The following MALRD1 variants were observed in gnomAD, a reference collection of about 807,000 sequenced individuals.
MALRD1 encodes MAM and LDL receptor class A domain containing 1.
A neutral mutation model predicts 242.1 loss-of-function variants in MALRD1; 247 were observed. The ratio of observed to expected loss-of-function variants is 1.02; its 90% CI spans 0.92 to 1.13. The LOEUF is 1.13. Ranked by LOEUF, MALRD1 falls within the 50% of genes most tolerant of loss-of-function variation. The pLI is 0.00. For missense variants in MALRD1, 2,989 were observed against 2,533.1 expected (o/e 1.18, Z -3.86); for synonymous variants, 995 against 866.6 (o/e 1.15, Z -2.60).
chr10:19,466,520 T>C (rs997657730), intron 29 of MALRD1, among the ~76,000 whole-genome samples: 5 of 152,196 alleles, frequency 3.3e-5, no homozygotes, highest in African/African-American at 1.2e-4. Flanking sequence ...GTTAACTTTC[T>C]CACAGTTCTG....
chr10:19,676,751 T>A (rs1018582655), intron 36 of MALRD1, among the ~76,000 whole-genome samples: 1 of 152,198 alleles, frequency 6.6e-6, no homozygotes. Flanking sequence ...TATAGTGGTT[T>A]GCTGCACCTA....
intron 28 of MALRD1, among the ~76,000 whole-genome samples, chr10:19,400,137 A>C (rs543577394): frequency 6.6e-6 from 1 of 152,150 alleles, no homozygotes; most frequent in Non-Finnish European, 1.5e-5. Flanking sequence ...GGAGCTTGTG[A>C]GTTTAAAGTG....
chr10:19,186,072 C>A (rs2131573326), intron 14 of MALRD1, among the ~76,000 whole-genome samples: 1 of 151,870 alleles, frequency 6.6e-6, no homozygotes, highest in East Asian at 1.9e-4. Flanking sequence ...GCCCTGAATA[C>A]AAGGAAAAAA....
chr10:19,486,833 G>A (rs1486555541), intron 29 of MALRD1, among the ~76,000 whole-genome samples: 2 of 152,092 alleles, frequency 1.3e-5, no homozygotes, highest in Non-Finnish European at 2.9e-5. Flanking sequence ...TCGAGGATTT[G>A]TAAGCTCTGT....
intron 29 of MALRD1, among the ~76,000 whole-genome samples, chr10:19,468,180 G>A (rs1188058330): frequency 6.6e-6 from 1 of 152,126 alleles, no homozygotes; most frequent in Non-Finnish European, 1.5e-5. Context: ...TTCCTTAATG[G>A]TTAATTAGAA....
intron 36 of MALRD1, among the ~76,000 whole-genome samples, chr10:19,661,228 G>A (rs974336196): frequency 5.9e-5 from 9 of 152,124 alleles, no homozygotes; most frequent in Non-Finnish European, 1.0e-4. Flanking sequence ...TCAGTGTGGC[G>A]ATTCCTCAGG....
intron 12 of MALRD1, among the ~76,000 whole-genome samples, chr10:19,161,550 C>CAAAAAAAAAAAAAAAAAAAAAAAAA: frequency 6.6e-5 from 4 of 60,832 alleles, no homozygotes; most frequent in East Asian, 5.4e-4. Flanking sequence ...AAAAAAAAAG[C>CAAAAAAAAAAAAAAAAAAAAAAAAA]AAAAAAAAAA....
At chr10:19,103,651 C>CA (rs1836359594) in intron 4 of MALRD1, among the ~76,000 whole-genome samples, 1 of 151,812 alleles carries the variant, frequency 6.6e-6, no homozygotes, top group African/African-American at 2.4e-5. Flanking sequence ...AGCATGGATC[C>CA]AAAAGCAGGT....
chr10:19,350,508 C>G lies in MALRD1; in HGVS notation c.4150-1498C>G, dbSNP rs554719519. On this transcript the variant is annotated intron_variant, in intron 25 of 39. Transcript: ENST00000454679. ...GCAAGGCTGGTCTCGAACTCCTGAC[C>G]TCAGGTGATCCACCTACCTTGGCCT... Among the ~76,000 whole-genome samples, 9 of 152,052 alleles carry G rather than the reference C, an allele frequency of 5.9e-5. No homozygotes were observed. The East Asian group carries it at 1.6e-3, about 26-fold the overall frequency.
chr10:19,175,821 T>C (rs1448486732), intron 14 of MALRD1, among the ~76,000 whole-genome samples: 1 of 152,130 alleles, frequency 6.6e-6, no homozygotes, highest in Non-Finnish European at 1.5e-5. Context: ...CAAAATTTAA[T>C]ATTTTCAGAT....
intron 36 of MALRD1, among the ~76,000 whole-genome samples, chr10:19,678,927 T>C (rs192272363): frequency 4.7e-4 from 72 of 152,332 alleles, no homozygotes; most frequent in African/African-American, 1.6e-3. Flanking sequence ...GTGATTTTTG[T>C]CTTTAGTTCT....
At chr10:19,067,159 A>T (rs1047455317) in intron 2 of MALRD1, among the ~76,000 whole-genome samples, 15 of 152,276 alleles carry the variant, frequency 9.9e-5, no homozygotes, top group South Asian at 4.1e-4. Context: ...AGTTTTTCTT[A>T]TTCTTTATGG....
intron 21 of MALRD1, among the ~76,000 whole-genome samples, chr10:19,323,393 A>G (rs934252411): frequency 2.6e-5 from 4 of 152,184 alleles, no homozygotes; most frequent in Admixed American, 6.5e-5. Context: ...CAACCAAGTT[A>G]TTACAGATTT....
intron 2 of MALRD1, among the ~76,000 whole-genome samples, chr10:19,081,906 T>C (rs1348871138): frequency 6.6e-6 from 1 of 152,024 alleles, no homozygotes; most frequent in African/African-American, 2.4e-5. Context: ...ACCTAAAATG[T>C]GTCTCTTGTA....
At chr10:19,445,347 G>A (rs188994079) in intron 28 of MALRD1, among the ~76,000 whole-genome samples, 77 of 152,258 alleles carry the variant, frequency 5.1e-4, no homozygotes, top group Middle Eastern at 3.4e-3. Flanking sequence ...CCTTTGTTCC[G>A]TTGCTGACTA....
At chr10:19,195,758 A>G (rs187114664) in intron 14 of MALRD1, among the ~76,000 whole-genome samples, 1 of 151,992 alleles carries the variant, frequency 6.6e-6, no homozygotes. Context: ...AAAAACAAAA[A>G]CAAACAAACA....
intron 28 of MALRD1, among the ~76,000 whole-genome samples, chr10:19,431,731 C>G (rs1834135161): frequency 6.6e-6 from 1 of 152,146 alleles, no homozygotes; most frequent in Non-Finnish European, 1.5e-5. Flanking sequence ...TTTTCTCTCT[C>G]ATTATTCCCC....
intron 31 of MALRD1, among the ~76,000 whole-genome samples, chr10:19,516,289 AT>A (rs1564406294): frequency 6.6e-6 from 1 of 152,104 alleles, no homozygotes; most frequent in African/African-American, 2.4e-5. Flanking sequence ...GCAAGTGCTC[AT>A]TTTTTTCAGC....
chr10:19,476,049 T>G (rs191446939), intron 29 of MALRD1, among the ~76,000 whole-genome samples: 1 of 152,248 alleles, frequency 6.6e-6, no homozygotes, highest in Non-Finnish European at 1.5e-5. Context: ...ATAGTTAATA[T>G]TCTTTTTAGT....
Sources: gnomAD v4.1 joint callset for allele counts (sites outside exome capture counted in the v4.1 genomes callset) on GRCh38, gnomAD v4.1.1 for gene constraint, MANE v1.5 for transcripts, NCBI Gene and HGNC (gene_info 2026-07-23, HGNC 2026-07-21) for gene names.